Variants in MIB1 observed in about 807,000 individuals in gnomAD.
MIB1 encodes the protein E3 ubiquitin-protein ligase MIB1.
MIB1 carries 278 observed loss-of-function variants against 124.5 expected under a neutral mutation model. The ratio of observed to expected loss-of-function variants is 2.23; its 90% CI spans 2.02 to 2.47. MIB1 has a LOEUF of 2.47. Among genes scored for constraint, MIB1 ranks in the 30% most tolerant of loss-of-function variants. MIB1 has a pLI of 0.00. For missense variants in MIB1, 957 were observed against 1,254.4 expected (o/e 0.76, Z 3.58); for synonymous variants, 446 against 429.4 (o/e 1.04, Z -0.48).
At chr18:21,829,777 A>C (rs2041961836) in intron 12 of MIB1, among the ~76,000 whole-genome samples, 2 of 152,142 alleles carry the variant, frequency 1.3e-5, no homozygotes, top group South Asian at 4.1e-4. Context: ...ATACAAATTC[A>C]AATAGATGTA....
chr18:21,846,852 A>G (rs886430198), intron 15 of MIB1, 92 bp from the exon 16 acceptor site: 1 of 1,223,602 alleles, frequency 8.2e-7, no homozygotes, highest in African/African-American at 1.5e-5. Context: ...TAGAACTCAT[A>G]AGTGTCCACC....
intron 7 of MIB1, among the ~76,000 whole-genome samples, chr18:21,792,779 C>T (rs753244783): frequency 1.7e-4 from 26 of 152,102 alleles, no homozygotes; most frequent in Non-Finnish European, 2.9e-4. Flanking sequence ...GGATTTTGAA[C>T]GCAGACCTGT....
At chr18:21,768,496 T>A (rs750974673) in intron 2 of MIB1, 127 bp from the exon 3 acceptor site, 1 of 587,140 alleles carries the variant, frequency 1.7e-6, no homozygotes, top group Non-Finnish European at 2.7e-6. Flanking sequence ...CATGCTATTA[T>A]GGTAGTAACC....
rs2042324283 is a variant in MIB1, at chr18:21,866,753, CAT to C, written c.*2089_*2090del. 1 of 152,162 alleles carries C rather than the reference CAT, an allele frequency of 6.6e-6. No individual in the cohort carries two copies. The highest frequency in any genetic ancestry group is 1.5e-5 in the Non-Finnish European group (1 of 68,032). 9.4% of individuals were successfully genotyped at this position (152,162 alleles called of 1,614,324 possible). ...AATTATTTCCTTTATAAGAATATGA[CAT>C]AAATTTTTATTATAGAAATAATGTC... On this transcript the variant is annotated 3_prime_UTR_variant, in exon 21 of 21. Coordinates refer to ENST00000261537, the MANE Select transcript of MIB1 (RefSeq NM_020774.4).
At position 21,765,807 on chromosome 18, in the gene MIB1, C is replaced by T. The variant is rs778947880; in HGVS notation, c.265C>T (p.Arg89Cys). The change falls in exon 2 of 21, where the codon CGC becomes TGC. Residue 89 changes from arginine to cysteine, a missense_variant. Arg to Cys is a radical substitution (Grantham distance 180). Transcript: ENST00000261537. ...TGATGGAACCATGTGTGATACCTGC[C>T]GCCAGCAACCAATCATTGGCATTCG... Reference protein sequence around the residue: ...KHDGTMCDTCRQQPIIGIRWK... With the variant: ...KHDGTMCDTCCQQPIIGIRWK... The T allele has an allele frequency of 1.2e-6, 2 of 1,614,062 alleles. No homozygotes were observed. Among genetic ancestry groups the T allele is most frequent in the Non-Finnish European group, 1.7e-6 (2 of 1,179,996 alleles).
intron 10 of MIB1, among the ~76,000 whole-genome samples, chr18:21,813,304 C>T (rs2041795524): frequency 7.1e-6 from 1 of 140,952 alleles, no homozygotes; most frequent in Non-Finnish European, 1.5e-5. Flanking sequence ...GAGAGATTAA[C>T]TTAGAGAGAT....
upstream of MIB1, among the ~76,000 whole-genome samples, chr18:21,737,418 A>C (rs887821358): frequency 6.6e-6 from 1 of 152,128 alleles, no homozygotes; most frequent in Non-Finnish European, 1.5e-5. Flanking sequence ...CCAGCCACTG[A>C]AAAACATGCC....
chr18:21,717,118 T>G (rs2040693081), intron 1 of MIB1, among the ~76,000 whole-genome samples: 1 of 152,150 alleles, frequency 6.6e-6, no homozygotes, highest in African/African-American at 2.4e-5. Context: ...TACAGCCAAC[T>G]GATCTTTGAC....
chr18:21,824,401 A>C (rs1428749169), intron 12 of MIB1, among the ~76,000 whole-genome samples: 1 of 152,204 alleles, frequency 6.6e-6, no homozygotes, highest in East Asian at 1.9e-4. Context: ...TATGTTGGCT[A>C]TTTGAAGATT....
chr18:21,816,764 A>G (rs1263316158), intron 11 of MIB1, among the ~76,000 whole-genome samples: 5 of 152,184 alleles, frequency 3.3e-5, no homozygotes, highest in South Asian at 2.1e-4. Flanking sequence ...GAACTGAAAG[A>G]ATAGATTTTG....
At chr18:21,831,426 AC>A (rs1340524113) in intron 12 of MIB1, 1 of 152,108 alleles carries the variant, frequency 6.6e-6, no homozygotes, top group East Asian at 1.9e-4. Context: ...CTAAACTGTT[AC>A]AGCTTTATAG....
At chr18:21,745,806 A>G (rs1221375161) in intron 1 of MIB1, among the ~76,000 whole-genome samples, 1 of 152,064 alleles carries the variant, frequency 6.6e-6, no homozygotes, top group Non-Finnish European at 1.5e-5. Context: ...CCCCAGGTTC[A>G]AGCAATTCTC....
chr18:21,860,635 A>G (rs776490491), intron 20 of MIB1, among the ~76,000 whole-genome samples: 1 of 152,184 alleles, frequency 6.6e-6, no homozygotes, highest in Non-Finnish European at 1.5e-5. Context: ...ATTGCCATGC[A>G]GTTGTTAGAA....
At chr18:21,739,284 G>A (rs1341478457), upstream of MIB1, among the ~76,000 whole-genome samples, 1 of 152,110 alleles carries the variant, frequency 6.6e-6, no homozygotes, top group African/African-American at 2.4e-5. Context: ...CTGAAATTGA[G>A]GCAATAAGTA....
intron 9 of MIB1, chr18:21,803,684 G>A (rs968536584): frequency 1.9e-5 from 7 of 362,636 alleles, no homozygotes; most frequent in South Asian, 8.9e-5. Context: ...CAGTTATTTC[G>A]TAACTCTTTG....
chr18:21,822,988 C>G (rs1422485958), intron 12 of MIB1, among the ~76,000 whole-genome samples: 2 of 151,976 alleles, frequency 1.3e-5, no homozygotes, highest in African/African-American at 4.8e-5. Flanking sequence ...AATCCCAGCA[C>G]TTTGGGAGGC....
Position 21,741,433 on chromosome 18 carries a change from C to A in MIB1, c.-151C>A. On this transcript the variant is annotated 5_prime_UTR_variant, in exon 1 of 21. Coordinates refer to ENST00000261537, the MANE Select transcript of MIB1 (RefSeq NM_020774.4). This position sits in a 1 kb window ranked among gnomAD's most constrained non-coding sequence, Gnocchi z 5.4. Reference sequence around the variant, plus strand: ...TTGGGCTCCGCGGGGACCGCGCCGCCGCCCCCGTGAGTTATTCTCACGTCC... The same window carrying A: ...TTGGGCTCCGCGGGGACCGCGCCGCAGCCCCCGTGAGTTATTCTCACGTCC... 1 of 346,708 alleles carries A rather than the reference C, an allele frequency of 2.9e-6. No individual in the cohort carries two copies. The highest frequency in any genetic ancestry group is 2.2e-5 in the African/African-American group (1 of 46,094). The allele number at this position is 346,708 out of a possible 1,614,324, so 21.5% of individuals were successfully genotyped here.
chr18:21,781,724 T>C (rs1161019162), intron 6 of MIB1, among the ~76,000 whole-genome samples: 1 of 152,222 alleles, frequency 6.6e-6, no homozygotes. Context: ...GGGTTGATAC[T>C]TCTTCATGTC....
chr18:21,773,574 C>G (rs2041245994), intron 3 of MIB1, 50 bp from the exon 4 acceptor site: 13 of 1,145,246 alleles, frequency 1.1e-5, no homozygotes, highest in African/African-American at 3.1e-5. Context: ...AAGAACTAAG[C>G]TCTTCCCTCC....
Sources: allele counts gnomAD v4.1 joint callset (sites outside exome capture counted in the v4.1 genomes callset), GRCh38; gene constraint gnomAD v4.1.1; non-coding constraint Gnocchi (gnomAD v3.1); transcripts MANE v1.5; gene names NCBI Gene and HGNC (gene_info 2026-07-23, HGNC 2026-07-21).